Variants in LARP1B observed in about 807,000 individuals in gnomAD.
LARP1B encodes la-related protein 1B.
In LARP1B, 76 loss-of-function variants were observed where a neutral mutation model predicts 114.2. That is an observed-to-expected ratio of 0.67 (90% confidence interval 0.55 to 0.81). LARP1B has a LOEUF of 0.81. Among genes scored for constraint, LARP1B ranks in the 30% least tolerant of loss-of-function variants. LARP1B has a pLI of 0.00. For missense variants in LARP1B, 1,014 were observed against 1,075.8 expected, an observed-to-expected ratio of 0.94 and a Z score of 0.80; for synonymous variants, 345 against 348.0, an observed-to-expected ratio of 0.99 and a Z score of 0.10.
At chr4:128,166,669 A>G (rs544806835) in intron 12 of LARP1B, among the ~76,000 whole-genome samples, 45 of 151,696 alleles carry the variant, frequency 3.0e-4, no homozygotes, top group Non-Finnish European at 5.3e-4. Flanking sequence ...TTAGATCTCT[A>G]GACTTATCTA....
chr4:128,092,846 A>G (rs1414098217), intron 7 of LARP1B: 1 of 985,430 alleles, frequency 1.0e-6, no homozygotes, highest in East Asian at 1.1e-4. Context: ...TGTCAACTTC[A>G]TACCACTATT....
intron 11 of LARP1B, among the ~76,000 whole-genome samples, chr4:128,129,035 G>A (rs1790585731): frequency 6.6e-6 from 1 of 151,548 alleles, no homozygotes; most frequent in South Asian, 2.1e-4. Flanking sequence ...CGTGATGGTG[G>A]GCGCCTGTAG....
At chr4:128,106,186 G>A (rs572292282) in intron 8 of LARP1B, among the ~76,000 whole-genome samples, 1 of 152,062 alleles carries the variant, frequency 6.6e-6, no homozygotes, top group Admixed American at 6.5e-5. Flanking sequence ...ACCATGCCCA[G>A]CTAATTTCTG....
chr4:128,066,331 C>T (rs1579664536), intron 1 of LARP1B, among the ~76,000 whole-genome samples: 1 of 152,028 alleles, frequency 6.6e-6, no homozygotes, highest in East Asian at 1.9e-4. Context: ...CGCCTGCCAC[C>T]ATGCCCGGCT....
chr4:128,155,832 G>T, intron 11 of LARP1B: 1 of 1,579,432 alleles, frequency 6.3e-7, no homozygotes, highest in Non-Finnish European at 8.7e-7. Context: ...CAGGGCTGCA[G>T]CGAGAGATCG....
At chr4:128,119,215 C>G (rs1279720281) in intron 10 of LARP1B, among the ~76,000 whole-genome samples, 3 of 152,160 alleles carry the variant, frequency 2.0e-5, no homozygotes, top group Non-Finnish European at 2.9e-5. Flanking sequence ...TGAAAACGTC[C>G]TATGGACTTG....
intron 10 of LARP1B, among the ~76,000 whole-genome samples, chr4:128,118,135 A>G (rs1580644100): frequency 8.8e-6 from 1 of 114,172 alleles, no homozygotes; most frequent in South Asian, 3.0e-4. Context: ...CTTGCTGCCC[A>G]GGCTAGTCTT....
At chr4:128,097,460 A>G (rs867570933) in intron 7 of LARP1B, among the ~76,000 whole-genome samples, 5 of 152,150 alleles carry the variant, frequency 3.3e-5, no homozygotes, top group Middle Eastern at 3.4e-3. Flanking sequence ...GGCATGCGCT[A>G]CCACACCCGG....
chr4:128,068,608 C>CA (rs1763989138), intron 1 of LARP1B, among the ~76,000 whole-genome samples: 1 of 151,932 alleles, frequency 6.6e-6, no homozygotes, highest in African/African-American at 2.4e-5. Flanking sequence ...CAGGGTCTCA[C>CA]TATATTGCCC....
At chr4:128,116,564 T>C (rs1785897874) in intron 10 of LARP1B, among the ~76,000 whole-genome samples, 1 of 152,116 alleles carries the variant, frequency 6.6e-6, no homozygotes. Flanking sequence ...TTTAAAAGTA[T>C]AAGGAGAACT....
At chr4:128,127,552 G>A (rs117610823) in intron 11 of LARP1B, among the ~76,000 whole-genome samples, 2,679 of 152,222 alleles carry the variant, frequency 0.018, 66 homozygotes, top group East Asian at 0.11. Flanking sequence ...ACAAAATTAC[G>A]GCCGGGCACG....
chr4:128,188,276 T>C (rs1393394997), intron 15 of LARP1B, among the ~76,000 whole-genome samples: 1 of 152,122 alleles, frequency 6.6e-6, no homozygotes, highest in African/African-American at 2.4e-5. Context: ...GGTTTCTCCA[T>C]GTTGGTCAGG....
intron 15 of LARP1B, among the ~76,000 whole-genome samples, chr4:128,188,022 C>A (rs971916355): frequency 3.3e-5 from 5 of 152,084 alleles, no homozygotes; most frequent in African/African-American, 1.2e-4. Context: ...GTACTGCCTA[C>A]AGAACCATGA....
Position 128,123,162 on chromosome 4 carries a change from C to T in LARP1B, c.1524+974C>T. 4 of 985,410 alleles carry T rather than the reference C, an allele frequency of 4.1e-6. No individual in the cohort carries two copies. The South Asian group carries it at 1.9e-4, about 46-fold the overall frequency. 61.0% of individuals were successfully genotyped at this position (985,410 alleles called of 1,614,324 possible). A position where few individuals can be genotyped will look rare whatever the true frequency, so the allele number is the denominator to read the frequency against. ...GCCTTCTTGGCTCCTCATTTCTTTT[C>T]TTCCTGGAATCCCCAGTACTGCTTT... On this transcript the variant is annotated intron_variant, in intron 11 of 19. Transcript: ENST00000326639.
exon 7 of LARP1B, chr4:128,220,408 G>T (rs1211166535): frequency 1.1e-6 from 1 of 925,684 alleles, no homozygotes; most frequent in Non-Finnish European, 1.3e-6. Flanking sequence ...ATGGCAAAAC[G>T]GAATGTCAGA....
rs781011796 is a variant in LARP1B at position 128,121,814 on chromosome 4, T to A, written c.1162-12T>A. On this transcript the variant is annotated splice_polypyrimidine_tract_variant and intron_variant, in intron 10 of 19. Transcript: ENST00000326639. ...AAAGTTTTTTATATAAATTACCAAT[T>A]TCTTCCTTCAGGAATCAGTGTCTGT... 1.3e-6 allele frequency: 2 copies of A among 1,492,692 alleles called. No homozygotes were observed. Among genetic ancestry groups the A allele is most frequent in the Non-Finnish European group, 1.8e-6 (2 of 1,120,448 alleles). 92.5% of individuals were successfully genotyped at this position (1,492,692 alleles called of 1,614,324 possible). A position where few individuals can be genotyped will look rare whatever the true frequency, so the allele number is the denominator to read the frequency against.
chr4:128,175,294 A>G (rs1745419950), intron 12 of LARP1B, among the ~76,000 whole-genome samples: 1 of 152,126 alleles, frequency 6.6e-6, no homozygotes, highest in African/African-American at 2.4e-5. Context: ...TTCCTATAGC[A>G]TCATAGCATA....
chr4:128,194,761 G>A (rs1465091653), intron 15 of LARP1B, among the ~76,000 whole-genome samples: 2 of 149,806 alleles, frequency 1.3e-5, no homozygotes, highest in Non-Finnish European at 3.0e-5. Context: ...CAACTACTTA[G>A]GAGGCTGAGG....
intron 8 of LARP1B, among the ~76,000 whole-genome samples, chr4:128,103,618 G>C (rs190011891): frequency 0.021 from 3,048 of 148,310 alleles, 48 homozygotes; most frequent in Middle Eastern, 0.055. Flanking sequence ...GTTGGAGTGC[G>C]GTGGCATGAT....
Sources: allele counts gnomAD v4.1 joint callset (sites outside exome capture counted in the v4.1 genomes callset), GRCh38; gene constraint gnomAD v4.1.1; transcripts MANE v1.5; gene names NCBI Gene and HGNC (gene_info 2026-07-23, HGNC 2026-07-21).